KALRN: variants seen among roughly 807,000 people sequenced by gnomAD.
KALRN encodes the protein kalirin.
In KALRN, 70 loss-of-function variants were observed where a neutral mutation model predicts 353.7. The observed-to-expected ratio is 0.20, with a 90% CI of 0.16 to 0.24. The LOEUF is 0.24. KALRN is among the 10% of genes least tolerant of loss of function. The probability of loss-of-function intolerance (pLI) is 1.00; values close to 1 mark genes in which losing one functional copy is unlikely to be tolerated. For missense variants in KALRN, 2,791 were observed against 3,756.7 expected, an observed-to-expected ratio of 0.74 and a Z score of 6.72; for synonymous variants, 1,391 against 1,434.8, an observed-to-expected ratio of 0.97 and a Z score of 0.69.
chr3:124,567,892 T>C (rs2073049007), intron 34 of KALRN, among the ~76,000 whole-genome samples: 1 of 152,142 alleles, frequency 6.6e-6, no homozygotes, highest in South Asian at 2.1e-4. Context: ...GGAGGATTGC[T>C]TGAGCCTGAG....
chr3:124,474,199 C>T (rs1482354483), intron 25 of KALRN, among the ~76,000 whole-genome samples: 4 of 152,092 alleles, frequency 2.6e-5, no homozygotes, highest in Admixed American at 2.6e-4. Context: ...TACAAATTGG[C>T]TACTGGTGGA....
At chr3:124,463,735 TGATCC>T (rs2060067849) in intron 25 of KALRN, among the ~76,000 whole-genome samples, 1 of 152,152 alleles carries the variant, frequency 6.6e-6, no homozygotes. Flanking sequence ...GGGTGTAAAA[TGATCC>T]TGGGCTGTAA....
intron 37 of KALRN, among the ~76,000 whole-genome samples, chr3:124,638,116 A>G (rs957834519): frequency 2.6e-5 from 4 of 152,072 alleles, no homozygotes; most frequent in Non-Finnish European, 5.9e-5. Context: ...TGCAATTCTC[A>G]TTAGGATAAA....
At chr3:124,251,339 G>A (rs1332599715) in intron 3 of KALRN, among the ~76,000 whole-genome samples, 1 of 150,100 alleles carries the variant, frequency 6.7e-6, no homozygotes, top group African/African-American at 2.4e-5. Flanking sequence ...TTGCGGCGTG[G>A]CATGGCAAGT....
chr3:124,584,975 T>TG lies in KALRN; in HGVS notation c.5182+21888dup, dbSNP rs1210474617. On this transcript the variant is annotated intron_variant, in intron 34 of 59. Coordinates refer to ENST00000682506, the MANE Select transcript of KALRN (RefSeq NM_001388419.1). ...TGGTCGCGCTCAGCGCGAGGGAGGG[T>TG]GGTAGGGAGGGAAGGGTTGGGGAGG... 3 of 1,445,222 alleles carry TG rather than the reference T, an allele frequency of 2.1e-6. No individual in the cohort carries two copies. In the African/African-American group the frequency reaches 4.4e-5, roughly 21 times the overall value. 89.5% of individuals were successfully genotyped at this position (1,445,222 alleles called of 1,614,324 possible). A position where few individuals can be genotyped will look rare whatever the true frequency, so the allele number is the denominator to read the frequency against.
intron 9 of KALRN, among the ~76,000 whole-genome samples, chr3:124,338,267 G>GGGA (rs2081337171): frequency 6.6e-6 from 1 of 152,128 alleles, no homozygotes; most frequent in Non-Finnish European, 1.5e-5. Context: ...TCTCCTGTGG[G>GGGA]CATTTAGTGC....
chr3:124,487,530 C>T (rs1238992153), intron 28 of KALRN, among the ~76,000 whole-genome samples: 3 of 152,168 alleles, frequency 2.0e-5, no homozygotes, highest in Non-Finnish European at 4.4e-5. Flanking sequence ...AGTTATATAA[C>T]CTGAGGAAAA....
At position 124,044,257 on chromosome 3, in the gene KALRN, A is replaced by C. The variant is rs146096160; in HGVS notation, c.73+10444A>C. On this transcript the variant is annotated intron_variant, in intron 1 of 59. Transcript: ENST00000682506. Reference sequence around the variant, plus strand: ...CACACGACCCTCCAGAGGGCTGGGGAGTAGGAATCTGGCTGTTGCTGCCAC... The same window carrying C: ...CACACGACCCTCCAGAGGGCTGGGGCGTAGGAATCTGGCTGTTGCTGCCAC... 5.4e-3 allele frequency among the ~76,000 whole-genome samples: 821 copies of C among 152,246 alleles called. 4 individuals carry two copies. Among genetic ancestry groups the C allele is most frequent in the African/African-American group, 0.018 (751 of 41,546 alleles).
chr3:124,628,640 A>T (rs1192663025), intron 34 of KALRN, among the ~76,000 whole-genome samples: 3 of 147,300 alleles, frequency 2.0e-5, no homozygotes, highest in Admixed American at 6.8e-5. Flanking sequence ...CAGTGGTGTG[A>T]TCTCAGCTTA....
chr3:124,539,631 A>G (rs1329497252), intron 33 of KALRN, among the ~76,000 whole-genome samples: 1 of 152,158 alleles, frequency 6.6e-6, no homozygotes, highest in Non-Finnish European at 1.5e-5. Context: ...TGGTGTTTTT[A>G]TAGGAAAACC....
intron 33 of KALRN, among the ~76,000 whole-genome samples, chr3:124,554,111 T>C (rs920939074): frequency 1.3e-5 from 2 of 152,210 alleles, no homozygotes; most frequent in Non-Finnish European, 2.9e-5. Flanking sequence ...ACTCTAGCAC[T>C]TTGGGAGGCC....
intron 11 of KALRN, among the ~76,000 whole-genome samples, chr3:124,392,554 A>G (rs2089556548): frequency 1.4e-5 from 2 of 142,798 alleles, no homozygotes; most frequent in African/African-American, 2.6e-5. Flanking sequence ...TTTTGGAGAC[A>G]GAGTTTTTTT....
At chr3:124,558,524 C>A (rs2071553780) in intron 33 of KALRN, among the ~76,000 whole-genome samples, 1 of 152,242 alleles carries the variant, frequency 6.6e-6, no homozygotes, top group Non-Finnish European at 1.5e-5. Flanking sequence ...AGTGATCCAC[C>A]GCCCTCGGCC....
chr3:124,352,660 C>T (rs1486834840), intron 10 of KALRN, among the ~76,000 whole-genome samples: 1 of 151,006 alleles, frequency 6.6e-6, no homozygotes, highest in Non-Finnish European at 1.5e-5. Flanking sequence ...CTATCCAACC[C>T]TTGTGGTTTT....
chr3:124,215,731 G>A (rs879632505), intron 1 of KALRN, among the ~76,000 whole-genome samples: 1 of 152,158 alleles, frequency 6.6e-6, no homozygotes, highest in Non-Finnish European at 1.5e-5. Flanking sequence ...TTGACTCAGG[G>A]CTGTGACCTT....
chr3:124,701,284 A>G (rs1489146082), intron 56 of KALRN, among the ~76,000 whole-genome samples: 1 of 152,218 alleles, frequency 6.6e-6, no homozygotes, highest in Non-Finnish European at 1.5e-5. Flanking sequence ...CTACTCAGGC[A>G]TATATTGTGG....
intron 34 of KALRN, among the ~76,000 whole-genome samples, chr3:124,617,527 GC>G (rs2078750532): frequency 6.6e-6 from 1 of 152,194 alleles, no homozygotes; most frequent in Non-Finnish European, 1.5e-5. Context: ...CTTCAGAAAA[GC>G]AGAAAAGCTA....
chr3:124,130,027 A>G (rs1308972225), intron 1 of KALRN, among the ~76,000 whole-genome samples: 1 of 152,224 alleles, frequency 6.6e-6, no homozygotes, highest in Non-Finnish European at 1.5e-5. Flanking sequence ...ACATAAAAGC[A>G]AGTGAAATGA....
At chr3:124,389,711 A>G (rs2089029431) in intron 11 of KALRN, among the ~76,000 whole-genome samples, 1 of 152,258 alleles carries the variant, frequency 6.6e-6, no homozygotes, top group Non-Finnish European at 1.5e-5. Flanking sequence ...GGTATAATAT[A>G]TAAAAACTGT....
Sources: allele counts gnomAD v4.1 joint callset (sites outside exome capture counted in the v4.1 genomes callset), GRCh38; gene constraint gnomAD v4.1.1; transcripts MANE v1.5; gene names NCBI Gene and HGNC (gene_info 2026-07-23, HGNC 2026-07-21).